Variants in C1QTNF3 observed in about 807,000 individuals in gnomAD.
C1QTNF3 encodes C1q and TNF related 3.
Under a neutral mutation model 32.6 loss-of-function variants are expected in C1QTNF3, and 26 were observed. The ratio of observed to expected loss-of-function variants is 0.80; its 90% CI spans 0.58 to 1.11. C1QTNF3 has a LOEUF of 1.11. Among genes scored for constraint, C1QTNF3 ranks in the 50% least tolerant of loss-of-function variants. C1QTNF3 has a pLI of 0.00. For missense variants in C1QTNF3, 362 were observed against 398.2 expected (o/e 0.91, Z 0.77); for synonymous variants, 155 against 146.0 (o/e 1.06, Z -0.44).
At chr5:34,241,803 G>T in the C1QTNF3 span, among the ~76,000 whole-genome samples, 1 of 151,558 alleles carries the variant, frequency 6.6e-6, no homozygotes, top group Non-Finnish European at 1.5e-5. Context: ...TAACTACCCT[G>T]ACGGCTTGAG....
the C1QTNF3 span, among the ~76,000 whole-genome samples, chr5:34,225,387 A>AG: frequency 6.6e-6 from 1 of 152,058 alleles, no homozygotes; most frequent in Non-Finnish European, 1.5e-5. Context: ...AATTCGTTTT[A>AG]GTGTATTTTA....
At chr5:34,224,203 T>A in the C1QTNF3 span, among the ~76,000 whole-genome samples, 1,019 of 152,200 alleles carry the variant, frequency 6.7e-3, 5 homozygotes, top group African/African-American at 0.023. Flanking sequence ...GAAGAATCAA[T>A]ATGGTGAAAA....
chr5:34,229,177 A>C, the C1QTNF3 span, among the ~76,000 whole-genome samples: 20 of 152,188 alleles, frequency 1.3e-4, no homozygotes, highest in South Asian at 4.1e-3. Flanking sequence ...AAACCTTTAG[A>C]AAGAAATGTC....
At chr5:34,059,245 T>C in the C1QTNF3 span, among the ~76,000 whole-genome samples, 2 of 152,122 alleles carry the variant, frequency 1.3e-5, no homozygotes, top group Non-Finnish European at 2.9e-5. Flanking sequence ...AGTCCCTACA[T>C]GGTCGTCCAT....
At chr5:34,112,805 T>A in the C1QTNF3 span, among the ~76,000 whole-genome samples, 1 of 152,272 alleles carries the variant, frequency 6.6e-6, no homozygotes, top group African/African-American at 2.4e-5. Context: ...CAATAAATAA[T>A]CAAATTCAAG....
At chr5:34,122,870 TG>T in the C1QTNF3 span, among the ~76,000 whole-genome samples, 16 of 149,802 alleles carry the variant, frequency 1.1e-4, no homozygotes, top group African/African-American at 3.9e-4. Context: ...TTTTAGAGAT[TG>T]TCTATGCTGC....
chr5:34,235,546 CT>C, the C1QTNF3 span, among the ~76,000 whole-genome samples: 31,407 of 103,976 alleles, frequency 0.3, 2,696 homozygotes, highest in East Asian at 0.44. Context: ...ATTTCTTTTT[CT>C]TTTTTTTTTT....
chr5:34,081,373 T>C, the C1QTNF3 span, among the ~76,000 whole-genome samples: 1 of 151,840 alleles, frequency 6.6e-6, no homozygotes, highest in Non-Finnish European at 1.5e-5. Context: ...GAAACATTTC[T>C]TAAAGAAGCA....
chr5:34,240,030 G>A, the C1QTNF3 span, among the ~76,000 whole-genome samples: 3 of 152,070 alleles, frequency 2.0e-5, no homozygotes, highest in African/African-American at 7.2e-5. Context: ...ACTTTCTCCT[G>A]AATAACTTCT....
At chr5:34,183,065 G>A in the C1QTNF3 span, among the ~76,000 whole-genome samples, 2 of 150,892 alleles carry the variant, frequency 1.3e-5, no homozygotes, top group African/African-American at 4.9e-5. Flanking sequence ...TGAAACCTCT[G>A]CCTCCCAGGT....
chr5:34,216,087 C>T, the C1QTNF3 span, among the ~76,000 whole-genome samples: 1 of 152,172 alleles, frequency 6.6e-6, no homozygotes, highest in African/African-American at 2.4e-5. Context: ...GATAGTAAAA[C>T]AATTATCCAT....
rs537797776 is a variant in C1QTNF3 at position 34,018,512 on chromosome 5, C to A, written c.*2071G>T. Among the ~76,000 whole-genome samples, 1 of 152,138 alleles carries A rather than the reference C, an allele frequency of 6.6e-6. No homozygotes were observed. The highest frequency in any genetic ancestry group is 1.5e-5 in the Non-Finnish European group (1 of 68,016). ...GAAGGTAAGAATTGTACTTTAAATGCCATAGGAGTGCCTGGAATAGCACAG... is the reference window on the plus strand; with the variant it reads ...GAAGGTAAGAATTGTACTTTAAATGACATAGGAGTGCCTGGAATAGCACAG... On this transcript the variant is annotated 3_prime_UTR_variant, in exon 6 of 6. Coordinates refer to ENST00000382065, the MANE Select transcript of C1QTNF3 (RefSeq NM_181435.6).
At chr5:34,121,837 G>T in the C1QTNF3 span, among the ~76,000 whole-genome samples, 2 of 152,270 alleles carry the variant, frequency 1.3e-5, no homozygotes, top group African/African-American at 4.8e-5. Context: ...CTTCATGAAT[G>T]AAATGAGTGA....
At chr5:34,078,126 C>A in the C1QTNF3 span, among the ~76,000 whole-genome samples, 11 of 151,492 alleles carry the variant, frequency 7.3e-5, no homozygotes, top group African/African-American at 2.2e-4. The surrounding 1 kb of genome is among the most constrained non-coding windows in gnomAD (Gnocchi z 4.0). Flanking sequence ...CCAATGTGCC[C>A]TGGTTGATGT....
chr5:34,113,694 A>T, the C1QTNF3 span, among the ~76,000 whole-genome samples: 1 of 152,174 alleles, frequency 6.6e-6, no homozygotes, highest in Non-Finnish European at 1.5e-5. Flanking sequence ...ATGTATTTTA[A>T]AACATATATC....
At chr5:34,244,704 G>A in the C1QTNF3 span, 2 of 152,054 alleles carry the variant, frequency 1.3e-5, no homozygotes, top group Non-Finnish European at 2.9e-5. Context: ...GGACTCAGGA[G>A]CCCAGCTGGC....
chr5:34,060,753 T>C, the C1QTNF3 span, among the ~76,000 whole-genome samples: 1 of 152,140 alleles, frequency 6.6e-6, no homozygotes, highest in Non-Finnish European at 1.5e-5. Flanking sequence ...GGGGAAAACC[T>C]ACCTCCATAA....
chr5:34,196,156 G>C, the C1QTNF3 span, among the ~76,000 whole-genome samples: 1 of 150,774 alleles, frequency 6.6e-6, no homozygotes, highest in Non-Finnish European at 1.5e-5. Flanking sequence ...GTTTGCTTTT[G>C]TTTTTTTTGA....
chr5:34,075,748 A>AAAAAATGAAATTTTT, the C1QTNF3 span, among the ~76,000 whole-genome samples: 1 of 151,124 alleles, frequency 6.6e-6, no homozygotes, highest in Non-Finnish European at 1.5e-5. Flanking sequence ...GATATATTTT[A>AAAAAATGAAATTTTT]AAAAAATGAA....
Sources: gnomAD v4.1 joint callset for allele counts (sites outside exome capture counted in the v4.1 genomes callset) on GRCh38, gnomAD v4.1.1 for gene constraint, Gnocchi (gnomAD v3.1) non-coding constraint, MANE v1.5 for transcripts, NCBI Gene and HGNC (gene_info 2026-07-23, HGNC 2026-07-21) for gene names.